The following CADM2 variants were observed in gnomAD, a reference collection of about 807,000 sequenced individuals.
The protein encoded by CADM2 is cell adhesion molecule 2.
In CADM2, 12 loss-of-function variants were observed where a neutral mutation model predicts 49.8. The ratio of observed to expected loss-of-function variants is 0.24; its 90% CI spans 0.15 to 0.39. The LOEUF is 0.39. Ranked by LOEUF, CADM2 falls within the 10% of genes least tolerant of loss-of-function variation. The pLI, the probability that CADM2 is intolerant of heterozygous loss-of-function variation, is 1.00. For synonymous variants in CADM2, 214 were observed against 175.4 expected (o/e 1.22, Z -1.74); for missense variants, 378 against 492.3 (o/e 0.77, Z 2.20).
chr3:85,754,574 A>C (rs565874394), intron 2 of CADM2, among the ~76,000 whole-genome samples: 1 of 152,218 alleles, frequency 6.6e-6, no homozygotes, highest in African/African-American at 2.4e-5. Flanking sequence ...ATCACTGGTT[A>C]TTAGAACCAA....
intron 1 of CADM2, among the ~76,000 whole-genome samples, chr3:85,107,017 C>G (rs752211637): frequency 6.6e-6 from 1 of 152,036 alleles, no homozygotes; most frequent in African/African-American, 2.4e-5. Context: ...AAAAGTGGGA[C>G]AGGGAGACAG....
chr3:85,894,995 G>T (rs924575581), intron 5 of CADM2, among the ~76,000 whole-genome samples: 4 of 152,204 alleles, frequency 2.6e-5, no homozygotes, highest in Admixed American at 1.3e-4. Context: ...GGATAATTGG[G>T]GTCATAACCC....
intron 1 of CADM2, among the ~76,000 whole-genome samples, chr3:85,218,174 G>T (rs1489970583): frequency 6.6e-6 from 1 of 151,846 alleles, no homozygotes; most frequent in African/African-American, 2.4e-5. Context: ...AATTATAAAA[G>T]TGGAAATTGT....
At chr3:85,429,667 TA>T (rs1446571874) in intron 1 of CADM2, among the ~76,000 whole-genome samples, 1 of 151,936 alleles carries the variant, frequency 6.6e-6, no homozygotes, top group Non-Finnish European at 1.5e-5. Context: ...TCTTGAGAAA[TA>T]AAAAGATAAA....
chr3:85,484,917 C>A (rs1053889798), intron 1 of CADM2, among the ~76,000 whole-genome samples: 1 of 151,896 alleles, frequency 6.6e-6, no homozygotes, highest in Non-Finnish European at 1.5e-5. Flanking sequence ...GACAGGCATT[C>A]ATTTTCCTTC....
At chr3:84,992,117 C>T (rs2032925376) in intron 1 of CADM2, among the ~76,000 whole-genome samples, 1 of 152,008 alleles carries the variant, frequency 6.6e-6, no homozygotes, top group Admixed American at 6.6e-5. Context: ...AAGTACAACA[C>T]CAAGAGTGAA....
intron 2 of CADM2, among the ~76,000 whole-genome samples, chr3:85,743,970 A>G (rs1360438634): frequency 6.6e-6 from 1 of 152,172 alleles, no homozygotes; most frequent in East Asian, 1.9e-4. Context: ...TCAATGGTGT[A>G]TACAAATAAC....
chr3:86,014,180 A>T lies in CADM2; in HGVS notation c.971-51425A>T, dbSNP rs138920527. On this transcript the variant is annotated intron_variant, in intron 8 of 9. Transcript: ENST00000383699. The stretch of plus-strand genomic sequence containing the variant: ...TCCTGCAAGCACTTGTTTTAGGTTC[A>T]GATGGTATAAATAGTGACACAAATA... The T allele has an allele frequency of 1.4e-5, 18 of 1,296,330 alleles. No individual in the cohort carries two copies. The African/African-American group carries it at 1.9e-4, about 14-fold the overall frequency. The allele number at this position is 1,296,330 out of a possible 1,614,324, so 80.3% of individuals were successfully genotyped here.
chr3:85,493,447 G>A (rs940387686), intron 1 of CADM2, among the ~76,000 whole-genome samples: 2 of 41,742 alleles, frequency 4.8e-5, no homozygotes, highest in East Asian at 7.7e-3. Flanking sequence ...CATCTGCCCT[G>A]TACATTTTTT....
At chr3:85,665,188 A>G (rs991659435) in intron 1 of CADM2, among the ~76,000 whole-genome samples, 4 of 151,996 alleles carry the variant, frequency 2.6e-5, no homozygotes, top group African/African-American at 9.7e-5. Flanking sequence ...ATCACATTGT[A>G]CATGCTCAGT....
At chr3:85,453,082 C>T (rs915297881) in intron 1 of CADM2, among the ~76,000 whole-genome samples, 2 of 152,116 alleles carry the variant, frequency 1.3e-5, no homozygotes, top group Admixed American at 1.3e-4. Flanking sequence ...ATTATAAAAA[C>T]TACACAGTCA....
intron 1 of CADM2, among the ~76,000 whole-genome samples, chr3:85,569,824 A>C (rs1251258200): frequency 6.6e-6 from 1 of 152,164 alleles, no homozygotes; most frequent in African/African-American, 2.4e-5. Context: ...GAGGCAGAAG[A>C]AATGAGGGTT....
rs1418758271 is a variant in CADM2, at chr3:85,984,201, ATATAT to A, written c.970+22559_970+22563del. Among the ~76,000 whole-genome samples the A allele has an allele frequency of 2.7e-5, 4 of 150,676 alleles. No individual in the cohort carries two copies. In the East Asian group the frequency reaches 5.9e-4, roughly 22 times the overall value. ...ATGTACACATATATTATGTATGCAC[ATATAT>A]TATACATGTTACTTTTTTAGGTCAT... On this transcript the variant is annotated intron_variant, in intron 8 of 9. Transcript: ENST00000383699.
chr3:85,608,392 T>C (rs754772435), intron 1 of CADM2, among the ~76,000 whole-genome samples: 1 of 152,130 alleles, frequency 6.6e-6, no homozygotes, highest in African/African-American at 2.4e-5. Flanking sequence ...CTTAGAGATG[T>C]TAGATTTAAT....
chr3:84,979,752 T>A (rs1195307337), intron 1 of CADM2, among the ~76,000 whole-genome samples: 1 of 152,006 alleles, frequency 6.6e-6, no homozygotes, highest in African/African-American at 2.4e-5. Context: ...TATTAAGAAA[T>A]AATTTCCAGG....
intron 1 of CADM2, among the ~76,000 whole-genome samples, chr3:85,238,853 A>G (rs1462446763): frequency 1.3e-5 from 2 of 151,804 alleles, no homozygotes; most frequent in Non-Finnish European, 2.9e-5. Context: ...AGACCCTTTT[A>G]GGTCAAGATG....
At chr3:85,811,200 T>G (rs2072852119) in intron 3 of CADM2, among the ~76,000 whole-genome samples, 1 of 152,220 alleles carries the variant, frequency 6.6e-6, no homozygotes, top group African/African-American at 2.4e-5. Flanking sequence ...CTTTTGATAA[T>G]ACTTTCTGCA....
intron 1 of CADM2, among the ~76,000 whole-genome samples, chr3:85,684,741 A>G (rs2066151589): frequency 6.6e-6 from 1 of 152,172 alleles, no homozygotes; most frequent in African/African-American, 2.4e-5. Context: ...TTATAAAATC[A>G]TCAGCTCTCA....
intron 1 of CADM2, among the ~76,000 whole-genome samples, chr3:85,358,571 T>C (rs963084071): frequency 6.6e-6 from 1 of 152,084 alleles, no homozygotes; most frequent in African/African-American, 2.4e-5. Flanking sequence ...TGCCTAATGA[T>C]TTCTGAAAAT....
Sources: allele counts gnomAD v4.1 joint callset (sites outside exome capture counted in the v4.1 genomes callset), GRCh38; gene constraint gnomAD v4.1.1; transcripts MANE v1.5; gene names NCBI Gene and HGNC (gene_info 2026-07-23, HGNC 2026-07-21).